The following GNL3L variants were observed in gnomAD, a reference collection of about 807,000 sequenced individuals.
GNL3L encodes the protein guanine nucleotide-binding protein-like 3-like protein.
In GNL3L, 4 loss-of-function variants were observed where a neutral mutation model predicts 42.9. That is an observed-to-expected ratio of 0.09 (90% CI 0.05 to 0.21). The LOEUF (loss-of-function observed/expected upper bound fraction) is 0.21, where lower values mean the gene tolerates loss of function less well. Among genes scored for constraint, GNL3L ranks in the 10% least tolerant of loss-of-function variants. GNL3L has a pLI of 1.00. For synonymous variants in GNL3L, 159 were observed against 176.3 expected, an observed-to-expected ratio of 0.90 and a Z score of 0.78; for missense variants, 412 against 481.7, an observed-to-expected ratio of 0.86 and a Z score of 1.36.
At position 54,562,107 on chromosome X, in the gene GNL3L, G is replaced by A. The variant is rs749044398; in HGVS notation, c.*1505G>A. Among the ~76,000 whole-genome samples, 11 of 111,911 alleles carry A rather than the reference G, an allele frequency of 9.8e-5. No individual in the cohort carries two copies. Among genetic ancestry groups the A allele is most frequent in the African/African-American group, 3.2e-4 (10 of 30,770 alleles). On this transcript the variant is annotated 3_prime_UTR_variant, in exon 16 of 16. Transcript: ENST00000360845. The stretch of plus-strand genomic sequence containing the variant: ...GTTGCCCAGGCTGGAGTGCAATGGC[G>A]TGATCTCGGCTCACTGCAACCTCTG...
chrX:54,606,841 A>G (rs997271841), intron 16 of GNL3L, among the ~76,000 whole-genome samples: 5 of 108,967 alleles, frequency 4.6e-5, no homozygotes, highest in African/African-American at 1.0e-4. Flanking sequence ...GGGTTTTGCT[A>G]TGTTGCCTAG....
At chrX:54,541,747 T>C in intron 5 of GNL3L, among the ~76,000 whole-genome samples, 1 of 110,630 alleles carries the variant, frequency 9.0e-6, no homozygotes, top group East Asian at 2.9e-4. Flanking sequence ...GAGAGGAGCA[T>C]ATGTGAGGGG....
Position 54,551,665 on chromosome X carries a change from A to C in GNL3L, c.961A>C (p.Asn321His). 8.3e-7 allele frequency: 1 copy of C among 1,210,725 alleles called. No homozygotes were observed. The highest frequency in any genetic ancestry group is 1.1e-6 in the Non-Finnish European group (1 of 894,602). Residue 321 changes from asparagine to histidine, a missense_variant, in exon 11 of 16, where the codon AAC becomes CAC. By Grantham distance (68) the Asn-to-His change is moderately conservative. Coordinates refer to ENST00000360845, the MANE Select transcript of GNL3L (RefSeq NM_001184819.2). ...PNSEVGTILR[N>H]CVHVQKLADP... Reference sequence around the variant, plus strand: ...CTCAGAGGTGGGCACCATCCTGCGTAACTGCGTCCACGTGCAGAAGCTGGC... The same window carrying C: ...CTCAGAGGTGGGCACCATCCTGCGTCACTGCGTCCACGTGCAGAAGCTGGC...
chrX:54,645,734 G>C, the GNL3L span, among the ~76,000 whole-genome samples: 1 of 111,881 alleles, frequency 8.9e-6, no homozygotes, highest in Non-Finnish European at 1.9e-5. Flanking sequence ...TATATTAAGG[G>C]AGGACTCCAC....
intron 8 of GNL3L, among the ~76,000 whole-genome samples, chrX:54,546,988 TC>T (rs1415342007): frequency 1.8e-5 from 2 of 108,510 alleles, no homozygotes; most frequent in Non-Finnish European, 3.8e-5. Flanking sequence ...GCCTTTTCTT[TC>T]TTTTTTTTTT....
the GNL3L span, among the ~76,000 whole-genome samples, chrX:54,638,492 G>A: frequency 9.0e-6 from 1 of 111,636 alleles, no homozygotes; most frequent in Non-Finnish European, 1.9e-5. Flanking sequence ...AATTAATTGA[G>A]ATAGTCTGGC....
intron 3 of GNL3L, 149 bp downstream of exon 3, chrX:54,539,250 C>T (rs907050258): frequency 1.0e-4 from 36 of 358,055 alleles, no homozygotes; most frequent in African/African-American, 8.7e-4. Context: ...TCTGGGTGGC[C>T]GCAGCAGAGA....
downstream of GNL3L, among the ~76,000 whole-genome samples, chrX:54,622,022 CAAG>C (rs897860650): frequency 9.0e-5 from 10 of 110,777 alleles, no homozygotes; most frequent in Non-Finnish European, 1.7e-4. Flanking sequence ...ACAAAGCACA[CAAG>C]GAGATTTTTA....
chrX:54,579,834 C>T (rs1032076352), intron 16 of GNL3L, among the ~76,000 whole-genome samples: 5 of 111,477 alleles, frequency 4.5e-5, no homozygotes, highest in East Asian at 5.7e-4. Context: ...TGCGCCACAA[C>T]GCCTGGCTAA....
downstream of GNL3L, among the ~76,000 whole-genome samples, chrX:54,570,385 A>G (rs1417306000): frequency 2.7e-5 from 3 of 111,732 alleles, no homozygotes; most frequent in Admixed American, 2.9e-4. Flanking sequence ...GGGCTAGTTT[A>G]ACTATGGTAT....
At chrX:54,579,986 GTTTTTTT>G (rs869217575) in intron 16 of GNL3L, among the ~76,000 whole-genome samples, 2,714 of 47,505 alleles carry the variant, frequency 0.057, 43 homozygotes, top group Middle Eastern at 0.15. Flanking sequence ...CCTAAAGTTT[GTTTTTTT>G]TTTTTTTTTT....
At chrX:54,579,060 A>C (rs1925671253) in intron 16 of GNL3L, among the ~76,000 whole-genome samples, 1 of 111,938 alleles carries the variant, frequency 8.9e-6, no homozygotes, top group African/African-American at 3.2e-5. Context: ...GTTTTTAAAA[A>C]GTGGGTTGTT....
chrX:54,559,328 A>C (rs773449063), intron 15 of GNL3L, among the ~76,000 whole-genome samples: 1 of 111,365 alleles, frequency 9.0e-6, no homozygotes, highest in Admixed American at 9.6e-5. Context: ...GCTATATATC[A>C]ATAGGCAATA....
At position 54,535,520 on chromosome X, in the gene GNL3L, ATTAAG is replaced by A. The variant is rs1225216382; in HGVS notation, c.19+2939_19+2943del. On this transcript the variant is annotated intron_variant, in intron 2 of 15. Coordinates refer to ENST00000360845, the MANE Select transcript of GNL3L (RefSeq NM_001184819.2). ...GTTTTTAAACAATCCTCCATCGGTAATTAAGTTATGTTGGTAATTGTATTCATATT... is the reference window on the plus strand; with the variant it reads ...GTTTTTAAACAATCCTCCATCGGTAATTATGTTGGTAATTGTATTCATATT... Among the ~76,000 whole-genome samples the A allele has an allele frequency of 3.6e-5, 4 of 111,859 alleles. No individual in the cohort carries two copies. In the South Asian group the frequency reaches 1.1e-3, roughly 31 times the overall value.
intron 16 of GNL3L, among the ~76,000 whole-genome samples, chrX:54,607,072 CTCTTTCTTTCTTCTTTCT>C (rs1926094417): frequency 3.9e-4 from 9 of 22,823 alleles, no homozygotes; most frequent in East Asian, 1.1e-3. Context: ...TTCTTTCTTT[CTCTTTCTTTCTTCTTTCT>C]TTCTTTCTTT....
chrX:54,584,496 A>G (rs1310171069), intron 16 of GNL3L, among the ~76,000 whole-genome samples: 4 of 112,012 alleles, frequency 3.6e-5, no homozygotes. Flanking sequence ...GAACATTCCA[A>G]TTATGATCTT....
rs1056666143 is a variant in GNL3L at position 54,608,155 on chromosome X, G to A, written c.*46-12690G>A. On this transcript the variant is annotated intron_variant, in intron 16 of 16. Coordinates refer to the GNL3L transcript ENST00000674498. ...TTTTTGTATAGGGGGAGTGCTGTGT[G>A]TATTGGGAAGGGCTTTTAAGGTAAT... Among the ~76,000 whole-genome samples, 53 of 111,272 alleles carry A rather than the reference G, an allele frequency of 4.8e-4. 2 individuals carry two copies. The highest frequency in any genetic ancestry group is 2.6e-3 in the South Asian group (7 of 2,662).
At chrX:54,575,443 A>G (rs1925619975) in intron 16 of GNL3L, among the ~76,000 whole-genome samples, 2 of 112,719 alleles carry the variant, frequency 1.8e-5, no homozygotes, top group South Asian at 3.5e-4. Flanking sequence ...TTTAAAATGT[A>G]TTAATAAGGC....
At chrX:54,629,769 C>G in the GNL3L span, among the ~76,000 whole-genome samples, 2 of 111,434 alleles carry the variant, frequency 1.8e-5, no homozygotes, top group African/African-American at 6.5e-5. Context: ...GTGATACTGG[C>G]TTCATAGAAT....
Sources: gnomAD v4.1 joint callset for allele counts (sites outside exome capture counted in the v4.1 genomes callset) on GRCh38, gnomAD v4.1.1 for gene constraint, MANE v1.5 for transcripts, NCBI Gene and HGNC (gene_info 2026-07-23, HGNC 2026-07-21) for gene names.